Variants in CCDC134 observed in about 807,000 individuals in gnomAD.
The protein encoded by CCDC134 is coiled-coil domain-containing protein 134.
CCDC134 carries 27 observed loss-of-function variants against 25.6 expected under a neutral mutation model. That is an observed-to-expected ratio of 1.05 (90% CI 0.78 to 1.45). CCDC134 has a LOEUF of 1.45. Among genes scored for constraint, CCDC134 ranks in the 40% most tolerant of loss-of-function variants. The pLI is 0.00. For missense variants in CCDC134, 261 were observed against 286.7 expected (o/e 0.91, Z 0.65); for synonymous variants, 110 against 115.0 (o/e 0.96, Z 0.28).
chr22:41,806,194 C>CT (rs904418063), intron 1 of CCDC134, among the ~76,000 whole-genome samples: 24 of 126,530 alleles, frequency 1.9e-4, no homozygotes, highest in Non-Finnish European at 3.0e-4. Context: ...GGTTGAAAAT[C>CT]TTTTTTTTTT....
At position 41,809,941 on chromosome 22, in the gene CCDC134, C is replaced by T; in HGVS notation, c.166C>T (p.Leu56=). Reference sequence around the variant, plus strand: ...GTTGGCACTGAAGAACCTGGCACAGCTGAACGACATCCACCAGCAGTACAA... The same window carrying T: ...GTTGGCACTGAAGAACCTGGCACAGTTGAACGACATCCACCAGCAGTACAA... ...QLLALKNLAQ[L]NDIHQQYKIL... The change falls in exon 3 of 7, where the codon CTG becomes TTG. Residue 56 remains leucine (L), a synonymous_variant. Transcript: ENST00000255784. 1 of 1,614,166 alleles carries T rather than the reference C, an allele frequency of 6.2e-7. No individual in the cohort carries two copies. The highest frequency in any genetic ancestry group is 8.5e-7 in the Non-Finnish European group (1 of 1,180,016).
At chr22:41,803,851 G>C (rs190989882) in intron 1 of CCDC134, among the ~76,000 whole-genome samples, 97 of 152,252 alleles carry the variant, frequency 6.4e-4, no homozygotes, top group African/African-American at 2.2e-3. Flanking sequence ...GTTCTGAGAG[G>C]CCCACCGTGG....
rs762111527 is a variant in CCDC134 at position 41,813,815 on chromosome 22, G to A, written c.557G>A (p.Arg186His). Residue 186 changes from arginine (R) to histidine (H), a missense_variant, in exon 6 of 7, where the codon CGC becomes CAC. Transcript: ENST00000255784. ...TTCCAGAACCCATTTAAAATCGACC[G>A]CACAGAGGTGAGCTGCCAGGGCCTA... ...SNFQNPFKID[R>H]TEFIPSTDPF... 1.3e-5 allele frequency: 21 copies of A among 1,613,830 alleles called. No individual in the cohort carries two copies. Among genetic ancestry groups the A allele is most frequent in the African/African-American group, 2.7e-5 (2 of 74,930 alleles).
rs1219416660 is a variant in CCDC134 at position 41,829,324 on chromosome 22, G to T, written c.*3501G>T. Among the ~76,000 whole-genome samples the T allele has an allele frequency of 6.6e-6, 1 of 152,112 alleles. No homozygotes were observed. The highest frequency in any genetic ancestry group is 6.6e-5 in the Admixed American group (1 of 15,256). On this transcript the variant is annotated 3_prime_UTR_variant, in exon 7 of 7. Coordinates refer to ENST00000255784, the MANE Select transcript of CCDC134 (RefSeq NM_024821.5). The stretch of plus-strand genomic sequence containing the variant: ...AAGTCTGAGCTGACTCTCTCTTCCG[G>T]ATTCTTCTTTCCTCACCTGCCCCCG...
chr22:41,804,943 G>A (rs1056690008), intron 1 of CCDC134, among the ~76,000 whole-genome samples: 2 of 152,320 alleles, frequency 1.3e-5, no homozygotes, highest in Non-Finnish European at 2.9e-5. Flanking sequence ...GGTAGTGCTC[G>A]CCTGTGATCC....
At chr22:41,807,745 G>A (rs1013079514) in intron 1 of CCDC134, among the ~76,000 whole-genome samples, 1 of 152,146 alleles carries the variant, frequency 6.6e-6, no homozygotes, top group African/African-American at 2.4e-5. Flanking sequence ...GTGTTGGCTG[G>A]GCATAGTGGC....
rs916245694 is a variant in CCDC134, at chr22:41,809,872, T to C, written c.104-7T>C. ...TGATGCCAGCCCCTTAACTTAATTC[T>C]GCCCAGACAAGAAGATGTTTGAGGT... On this transcript the variant is annotated splice_region_variant and splice_polypyrimidine_tract_variant and intron_variant, in intron 2 of 6. Coordinates refer to ENST00000255784, the MANE Select transcript of CCDC134 (RefSeq NM_024821.5). 17 of 1,614,028 alleles carry C rather than the reference T, an allele frequency of 1.1e-5. No homozygotes were observed. The highest frequency in any genetic ancestry group is 1.2e-5 in the Non-Finnish European group (14 of 1,180,038).
At position 41,807,480 on chromosome 22, in the gene CCDC134, T is replaced by C. The variant is rs533528085; in HGVS notation, c.-16-1395T>C. ...AGGAGGCTGAGGTGGGAGGATGGCTTGAGCCTGGGAAGTGGAGGCTGCAAT... is the reference window on the plus strand; with the variant it reads ...AGGAGGCTGAGGTGGGAGGATGGCTCGAGCCTGGGAAGTGGAGGCTGCAAT... On this transcript the variant is annotated intron_variant, in intron 1 of 6. Transcript: ENST00000255784. Among the ~76,000 whole-genome samples, 6 of 151,370 alleles carry C rather than the reference T, an allele frequency of 4.0e-5. No homozygotes were observed. The East Asian group carries it at 1.2e-3, about 29-fold the overall frequency.
intron 4 of CCDC134, 52 bp downstream of exon 4, chr22:41,810,343 G>A: frequency 6.6e-7 from 1 of 1,505,876 alleles, no homozygotes. Context: ...ATCTTCTCTA[G>A]CTGCTCCTTC....
intron 4 of CCDC134, among the ~76,000 whole-genome samples, chr22:41,812,422 CAAAAA>C (rs36098937): frequency 1.9e-4 from 15 of 77,208 alleles, no homozygotes; most frequent in Non-Finnish European, 3.4e-4. Context: ...ACTCCGTCTC[CAAAAA>C]AAAAAAAAAA....
intron 1 of CCDC134, among the ~76,000 whole-genome samples, chr22:41,804,849 C>G (rs774263417): frequency 6.6e-6 from 1 of 152,160 alleles, no homozygotes; most frequent in Non-Finnish European, 1.5e-5. Context: ...GTGGGCAGAT[C>G]GCTTAAGGCC....
chr22:41,804,537 C>T (rs1185557510), intron 1 of CCDC134, among the ~76,000 whole-genome samples: 2 of 152,120 alleles, frequency 1.3e-5, no homozygotes, highest in African/African-American at 4.8e-5. Context: ...TTTCTCTTTA[C>T]AGTGATCACA....
intron 4 of CCDC134, among the ~76,000 whole-genome samples, 159 bp from the exon 5 acceptor site, chr22:41,813,105 C>G (rs944751614): frequency 1.3e-5 from 2 of 152,116 alleles, no homozygotes; most frequent in Admixed American, 6.6e-5. Flanking sequence ...GGCCCTAGTT[C>G]GCACTGTACA....
Position 41,813,743 on chromosome 22 carries a change from A to T in CCDC134, c.493-8A>T, listed in dbSNP as rs1415156758. 1.9e-6 allele frequency: 3 copies of T among 1,613,752 alleles called. No homozygotes were observed. The highest frequency in any genetic ancestry group is 2.5e-6 in the Non-Finnish European group (3 of 1,179,648). On this transcript the variant is annotated splice_region_variant and splice_polypyrimidine_tract_variant and intron_variant, in intron 5 of 6. Coordinates refer to ENST00000255784, the MANE Select transcript of CCDC134 (RefSeq NM_024821.5). ...GGCAGATGATGACTAGTGTTTCTTC[A>T]TCTGCAGATGGCCCAGGAGCTGGGG...
At chr22:41,801,823 G>C (rs1366143629) in intron 1 of CCDC134, among the ~76,000 whole-genome samples, 1 of 152,156 alleles carries the variant, frequency 6.6e-6, no homozygotes, top group Non-Finnish European at 1.5e-5. Flanking sequence ...TGTTTACTTG[G>C]GAATAGACAT....
At chr22:41,811,999 T>C (rs780315068) in intron 4 of CCDC134, among the ~76,000 whole-genome samples, 2 of 152,204 alleles carry the variant, frequency 1.3e-5, no homozygotes, top group Non-Finnish European at 2.9e-5. Flanking sequence ...TCAGTCTAAA[T>C]TGACCTGTTG....
In CCDC134 at chr22:41,830,913, C is replaced by A. The variant is rs2076703953; in HGVS notation, c.*5090C>A. On this transcript the variant is annotated 3_prime_UTR_variant, in exon 7 of 7. Coordinates refer to ENST00000255784, the MANE Select transcript of CCDC134 (RefSeq NM_024821.5). ...TTTTTTTTTTTTTTTTTTTGAGACG[C>A]AGTCTCCTGTTGCCCAGGCTGGAGT... Among the ~76,000 whole-genome samples the A allele has an allele frequency of 7.5e-6, 1 of 132,462 alleles. No homozygotes were observed. Among genetic ancestry groups the A allele is most frequent in the African/African-American group, 3.0e-5 (1 of 33,180 alleles). The allele number at this position is 132,462 out of a possible 152,430, so 86.9% of individuals were successfully genotyped here. A position where few individuals can be genotyped will look rare whatever the true frequency, so the allele number is the denominator to read the frequency against.
Position 41,826,794 on chromosome 22 carries a change from C to T in CCDC134, c.*971C>T, listed in dbSNP as rs963852224. On this transcript the variant is annotated 3_prime_UTR_variant, in exon 7 of 7. Transcript: ENST00000255784. ...ATGTGGCCCTGGGTAGGGCAGCTGC[C>T]CTTCACTCATGCCCCTCCCAAGCAG... 6.6e-6 allele frequency among the ~76,000 whole-genome samples: 1 copy of T among 152,178 alleles called. No individual in the cohort carries two copies. The highest frequency in any genetic ancestry group is 1.5e-5 in the Non-Finnish European group (1 of 68,016).
In CCDC134 at chr22:41,830,884, C is replaced by CTTTTTTTTTTTT. The variant is rs67246997; in HGVS notation, c.*5072_*5083dup. ...AGATCCTTATTTTTTCTTTTCTTTT[C>CTTTTTTTTTTTT]TTTTTTTTTTTTTTTTTTTTTTGAG... On this transcript the variant is annotated 3_prime_UTR_variant, in exon 7 of 7. Transcript: ENST00000255784. Among the ~76,000 whole-genome samples, 12 of 117,294 alleles carry CTTTTTTTTTTTT rather than the reference C, an allele frequency of 1.0e-4. No individual in the cohort carries two copies. The highest frequency in any genetic ancestry group is 2.7e-4 in the African/African-American group (7 of 25,456). 76.9% of individuals were successfully genotyped at this position (117,294 alleles called of 152,430 possible). A position where few individuals can be genotyped will look rare whatever the true frequency, so the allele number is the denominator to read the frequency against.
Sources: gnomAD v4.1 joint callset for allele counts (sites outside exome capture counted in the v4.1 genomes callset) on GRCh38, gnomAD v4.1.1 for gene constraint, MANE v1.5 for transcripts, NCBI Gene and HGNC (gene_info 2026-07-23, HGNC 2026-07-21) for gene names.